MVD: variants seen among roughly 807,000 people sequenced by gnomAD.
MVD encodes the protein mevalonate diphosphate decarboxylase, also known as diphosphomevalonate decarboxylase.
Under a neutral mutation model 42.4 loss-of-function variants are expected in MVD, and 52 were observed. The ratio of observed to expected loss-of-function variants is 1.23; its 90% CI spans 0.98 to 1.55. The LOEUF (loss-of-function observed/expected upper bound fraction) is 1.55, where lower values mean the gene tolerates loss of function less well. MVD is among the 40% of genes most tolerant of loss of function. The probability of loss-of-function intolerance (pLI) is 0.00; values close to 1 mark genes in which losing one functional copy is unlikely to be tolerated. For synonymous variants in MVD, 287 were observed against 243.2 expected (o/e 1.18, Z -1.68); for missense variants, 663 against 572.1 (o/e 1.16, Z -1.62).
intron 1 of MVD, chr16:88,662,202 G>A (rs796954164): frequency 2.0e-5 from 3 of 152,262 alleles, no homozygotes; most frequent in Non-Finnish European, 4.4e-5. Flanking sequence ...GAAAACGTTA[G>A]ATGCTCTTTG....
In MVD at chr16:88,655,685, C is replaced by A; in HGVS notation, c.649G>T (p.Ala217Ser). Residue 217 changes from alanine to serine, a missense_variant, in exon 6 of 10, where the codon GCC becomes TCC. Ala to Ser is a moderately conservative substitution (Grantham distance 99, BLOSUM62 1). Coordinates refer to ENST00000301012, the MANE Select transcript of MVD (RefSeq NM_002461.3). ...KLTGSTVGMR[A>S]SVETSPLLRF... ...AGCAGGGGGCTGGTCTCCACACTGGCCCGCATGCCCACGGTACTGCCTGTC... is the reference window on the plus strand; with the variant it reads ...AGCAGGGGGCTGGTCTCCACACTGGACCGCATGCCCACGGTACTGCCTGTC... 6.4e-7 allele frequency: 1 copy of A among 1,558,776 alleles called. No individual in the cohort carries two copies.
chr16:88,652,564 G>A lies in MVD; in HGVS notation c.1164C>T (p.His388=), dbSNP rs780587421. ...GPQILDDPCA[H]LLGPDGLPKP... ...TCGGCAGGCCGTCAGGACCCAGGAG[G>A]TGGGCGCAGGGGTCATCCAGGATTT... The change falls in exon 10 of 10, where the codon CAC becomes CAT. Residue 388 remains histidine (H), a synonymous_variant. Transcript: ENST00000301012. The A allele has an allele frequency of 1.9e-6, 3 of 1,571,840 alleles. No homozygotes were observed. The highest frequency in any genetic ancestry group is 2.6e-6 in the Non-Finnish European group (3 of 1,158,542).
chr16:88,654,880 C>T (rs2142895229), intron 7 of MVD, 73 bp from the exon 8 acceptor site: 2 of 1,428,620 alleles, frequency 1.4e-6, no homozygotes, highest in Middle Eastern at 1.9e-4. Flanking sequence ...TCTGGTCTGC[C>T]AGGCGGCCTT....
intron 4 of MVD, chr16:88,657,140 TCTCA>T: frequency 1.8e-6 from 1 of 546,110 alleles, no homozygotes; most frequent in East Asian, 4.0e-5. Flanking sequence ...TGGGGGGGGG[TCTCA>T]CTATGTTGCC....
chr16:88,662,932 C>A, intron 1 of MVD, 79 bp downstream of exon 1: 1 of 1,544,456 alleles, frequency 6.5e-7, no homozygotes, highest in South Asian at 1.2e-5. Flanking sequence ...CGGAGCGCGC[C>A]GCCGAATCAG....
chr16:88,661,028 A>AC (rs1908257536), intron 1 of MVD, among the ~76,000 whole-genome samples: 1 of 150,670 alleles, frequency 6.6e-6, no homozygotes, highest in African/African-American at 2.4e-5. Flanking sequence ...AAAAAAAAAA[A>AC]AAATAGCAGA....
At chr16:88,656,431 G>A in intron 4 of MVD, 127 bp from the exon 5 acceptor site, 2 of 1,028,254 alleles carry the variant, frequency 1.9e-6, no homozygotes, top group East Asian at 2.6e-5. Flanking sequence ...GGGCTTCTGG[G>A]CCATCAGCCT....
At position 88,655,013 on chromosome 16, in the gene MVD, C is replaced by T. The variant is rs992728674; in HGVS notation, c.897+186G>A. The T allele has an allele frequency of 2.9e-5, 26 of 907,378 alleles. No homozygotes were observed. In the African/African-American group the frequency reaches 3.4e-4, roughly 12 times the overall value. 56.2% of individuals were successfully genotyped at this position (907,378 alleles called of 1,614,324 possible). A position where few individuals can be genotyped will look rare whatever the true frequency, so the allele number is the denominator to read the frequency against. ...GGAAGAAGGTGGTGGGGCCGTGACC[C>T]GGGCAAGTCAAGAAACAAAATGAAA... is the stretch of plus-strand genomic sequence containing the variant. On this transcript the variant is annotated intron_variant, in intron 7 of 9. Transcript: ENST00000301012.
intron 3 of MVD, 85 bp downstream of exon 3, chr16:88,657,830 A>G (rs1908032876): frequency 1.4e-6 from 2 of 1,402,610 alleles, no homozygotes; most frequent in Admixed American, 1.8e-5. Flanking sequence ...CTGCCTCAGG[A>G]GGGGCACAGA....
chr16:88,658,841 G>A (rs1908112363), intron 1 of MVD, 121 bp from the exon 2 acceptor site: 10 of 759,652 alleles, frequency 1.3e-5, no homozygotes, highest in South Asian at 9.5e-5. Flanking sequence ...GTCTCTCACC[G>A]CACAACCTGT....
intron 8 of MVD, 91 bp from the exon 9 acceptor site, chr16:88,653,499 G>T: frequency 9.2e-7 from 1 of 1,092,376 alleles, no homozygotes; most frequent in Non-Finnish European, 1.3e-6. Flanking sequence ...GATGGGAAGT[G>T]CATTCCTGGC....
chr16:88,653,287 C>A lies in MVD; in HGVS notation c.1122+13G>T, dbSNP rs561320090. 5.7e-6 allele frequency: 9 copies of A among 1,585,328 alleles called. No individual in the cohort carries two copies. In the East Asian group the frequency reaches 1.8e-4, roughly 32 times the overall value. ...AGGAAACCCCGGGGTACTGGGTGAG[C>A]CCCAGGCCTCACCTGAGTGACAATG... On this transcript the variant is annotated intron_variant, in intron 9 of 9. Transcript: ENST00000301012.
Position 88,656,202 on chromosome 16 carries a change from T to C in MVD, c.506A>G (p.Glu169Gly). 6.2e-7 allele frequency: 1 copy of C among 1,601,176 alleles called. No individual in the cohort carries two copies. Among genetic ancestry groups the C allele is most frequent in the Non-Finnish European group, 8.5e-7 (1 of 1,179,884 alleles). Reference sequence around the variant, plus strand: ...GTCGGCCTGCTCTCCCATCTGCCACTCCACAAAGCCCCCATACAGGCTCCG... The same window carrying C: ...GTCGGCCTGCTCTCCCATCTGCCACCCCACAAAGCCCCCATACAGGCTCCG... ...ACRSLYGGFV[E>G]WQMGEQADGK... The change falls in exon 5 of 10, where the codon GAG becomes GGG. Residue 169 changes from glutamate to glycine, a missense_variant. Physicochemically the swap from Glu to Gly is moderately conservative, Grantham distance 98. Transcript: ENST00000301012.
chr16:88,662,841 G>T (rs1428315122), intron 1 of MVD, 170 bp downstream of exon 1: 1 of 1,440,930 alleles, frequency 6.9e-7, no homozygotes, highest in African/African-American at 1.5e-5. Context: ...ACGCGAAGGA[G>T]CGCGCGGCCC....
Position 88,652,187 on chromosome 16 carries a change from G to A in MVD, c.*338C>T, listed in dbSNP as rs1597375523. The A allele has an allele frequency of 1.1e-5, 5 of 438,790 alleles. No individual in the cohort carries two copies. Among genetic ancestry groups the A allele is most frequent in the Middle Eastern group, 6.6e-4 (1 of 1,520 alleles). 27.2% of individuals were successfully genotyped at this position (438,790 alleles called of 1,614,324 possible). On this transcript the variant is annotated 3_prime_UTR_variant, in exon 10 of 10. Coordinates refer to ENST00000301012, the MANE Select transcript of MVD (RefSeq NM_002461.3). ...CCGCTGGAGGGACCACCTCCCCACT[G>A]AGCTCCTTTCTCAGAGAACTGGGCA...
At chr16:88,653,882 G>T (rs1907735518) in intron 8 of MVD, among the ~76,000 whole-genome samples, 1 of 152,088 alleles carries the variant, frequency 6.6e-6, no homozygotes, top group African/African-American at 2.4e-5. Context: ...GCAGTCCTGG[G>T]GTGTGGGTCT....
chr16:88,655,614 C>T (rs1427606510), intron 6 of MVD, 42 bp downstream of exon 6: 7 of 1,543,776 alleles, frequency 4.5e-6, no homozygotes, highest in African/African-American at 4.1e-5. Flanking sequence ...CGGGCACAAG[C>T]GTGACTCCCA....
intron 4 of MVD, chr16:88,657,200 G>A: frequency 1.4e-6 from 1 of 694,722 alleles, no homozygotes; most frequent in Non-Finnish European, 2.6e-6. Context: ...TCCCCCATCA[G>A]CCTCTTAAGT....
chr16:88,658,856 C>T (rs1908113593), intron 1 of MVD, 136 bp from the exon 2 acceptor site: 1 of 702,302 alleles, frequency 1.4e-6, no homozygotes, highest in Non-Finnish European at 2.4e-6. Flanking sequence ...ACCTGTGTGC[C>T]CCTCCTCCTG....
Sources: allele counts gnomAD v4.1 joint callset (sites outside exome capture counted in the v4.1 genomes callset), GRCh38; gene constraint gnomAD v4.1.1; transcripts MANE v1.5; gene names NCBI Gene and HGNC (gene_info 2026-07-23, HGNC 2026-07-21).